Variants in SNX7 observed in about 807,000 individuals in gnomAD.
The protein encoded by SNX7 is sorting nexin-7.
In SNX7, 35 loss-of-function variants were observed where a neutral mutation model predicts 48.4. The observed-to-expected ratio is 0.72, with a 90% CI of 0.55 to 0.96. The LOEUF is 0.96. Ranked by LOEUF, SNX7 falls within the 40% of genes least tolerant of loss-of-function variation. The pLI is 0.00. For missense variants in SNX7, 553 were observed against 548.9 expected, an observed-to-expected ratio of 1.01 and a Z score of -0.07; for synonymous variants, 190 against 190.2, an observed-to-expected ratio of 1.00 and a Z score of 0.01.
intron 1 of SNX7, among the ~76,000 whole-genome samples, chr1:98,671,862 AT>A (rs1409594371): frequency 6.6e-6 from 1 of 152,136 alleles, no homozygotes; most frequent in African/African-American, 2.4e-5. Flanking sequence ...TAGAAAAATG[AT>A]TTTATATCAT....
intron 7 of SNX7, 50 bp from the exon 8 acceptor site, chr1:98,738,187 G>C: frequency 1.3e-6 from 2 of 1,574,086 alleles, no homozygotes; most frequent in Non-Finnish European, 1.7e-6. Context: ...GAATTCACCT[G>C]ATGGAAAGAA....
chr1:98,717,430 A>C, intron 7 of SNX7, among the ~76,000 whole-genome samples: 1 of 152,318 alleles, frequency 6.6e-6, no homozygotes, highest in African/African-American at 2.4e-5. Flanking sequence ...AAATTGTGCT[A>C]TTAACTATAT....
chr1:98,674,119 A>G (rs890031335), intron 1 of SNX7, among the ~76,000 whole-genome samples: 3 of 152,232 alleles, frequency 2.0e-5, no homozygotes, highest in African/African-American at 2.4e-5. Context: ...GTTGACTACT[A>G]ACCTGTTAAA....
At chr1:98,705,041 C>G (rs1184328617) in intron 7 of SNX7, among the ~76,000 whole-genome samples, 1 of 152,080 alleles carries the variant, frequency 6.6e-6, no homozygotes, top group Non-Finnish European at 1.5e-5. Context: ...TGCATTTGAA[C>G]AATAATGGCA....
chr1:98,728,212 A>G (rs1653294016), intron 7 of SNX7, among the ~76,000 whole-genome samples: 1 of 152,208 alleles, frequency 6.6e-6, no homozygotes, highest in Admixed American at 6.5e-5. Context: ...GCAAGCCAGA[A>G]GTGTTTGGTG....
At chr1:98,751,311 C>A (rs553468735) in intron 8 of SNX7, among the ~76,000 whole-genome samples, 160 of 152,202 alleles carry the variant, frequency 1.1e-3, no homozygotes, top group African/African-American at 3.7e-3. Flanking sequence ...ATGTCACCAC[C>A]TTTACTGAAG....
chr1:98,739,120 C>G (rs1346933360), intron 8 of SNX7, among the ~76,000 whole-genome samples: 1 of 152,130 alleles, frequency 6.6e-6, no homozygotes, highest in Non-Finnish European at 1.5e-5. Context: ...CTCAGATCAT[C>G]AGCCATTAGT....
intron 8 of SNX7, among the ~76,000 whole-genome samples, chr1:98,753,320 C>A (rs17118939): frequency 0.15 from 23,535 of 152,030 alleles, 1,906 homozygotes; most frequent in South Asian, 0.19. Flanking sequence ...GTCTGTCTTA[C>A]CATGTTTTAC....
intron 2 of SNX7, among the ~76,000 whole-genome samples, chr1:98,690,693 A>G (rs1447298844): frequency 6.6e-6 from 1 of 152,098 alleles, no homozygotes; most frequent in Non-Finnish European, 1.5e-5. Flanking sequence ...CTGAATTCTA[A>G]TCATCTTGAG....
At chr1:98,696,064 T>C (rs1651439451) in intron 5 of SNX7, among the ~76,000 whole-genome samples, 1 of 152,226 alleles carries the variant, frequency 6.6e-6, no homozygotes. Context: ...TCATATTTTC[T>C]GGTAATTATT....
At chr1:98,672,141 C>T (rs9285629) in intron 1 of SNX7, among the ~76,000 whole-genome samples, 133,326 of 152,112 alleles carry the variant, frequency 0.88, 59,724 homozygotes, top group Non-Finnish European at 0.96. Context: ...AGTACAACCT[C>T]GAGATTTCAG....
chr1:98,716,352 C>G (rs941540360), intron 7 of SNX7, among the ~76,000 whole-genome samples: 2 of 152,182 alleles, frequency 1.3e-5, no homozygotes, highest in African/African-American at 4.8e-5. Context: ...CTCCTCATCT[C>G]GCTGCTTTGA....
intron 2 of SNX7, among the ~76,000 whole-genome samples, chr1:98,687,427 A>C (rs1175699130): frequency 6.6e-6 from 1 of 152,122 alleles, no homozygotes; most frequent in East Asian, 1.9e-4. Context: ...ATATATACAG[A>C]AATATATATT....
At chr1:98,747,306 T>G (rs1029356696) in intron 8 of SNX7, among the ~76,000 whole-genome samples, 2 of 152,234 alleles carry the variant, frequency 1.3e-5, no homozygotes, top group South Asian at 2.1e-4. Flanking sequence ...ACTTTAAGTG[T>G]GGACTGATAT....
At chr1:98,709,719 C>G (rs1013949533) in intron 7 of SNX7, among the ~76,000 whole-genome samples, 2 of 152,064 alleles carry the variant, frequency 1.3e-5, no homozygotes, top group Admixed American at 1.3e-4. Context: ...CTGATCTTAT[C>G]CCATTTATCT....
intron 7 of SNX7, among the ~76,000 whole-genome samples, chr1:98,708,471 T>G (rs531368126): frequency 1.6e-4 from 25 of 152,114 alleles, no homozygotes; most frequent in Non-Finnish European, 3.2e-4. Context: ...TACAGATACC[T>G]GAAAAAACTG....
At chr1:98,719,367 A>C (rs1193529225) in intron 7 of SNX7, among the ~76,000 whole-genome samples, 2 of 152,118 alleles carry the variant, frequency 1.3e-5, no homozygotes, top group African/African-American at 4.8e-5. Context: ...AGTCTTGTTA[A>C]GGGGAGATAT....
intron 2 of SNX7, 78 bp downstream of exon 2, chr1:98,685,145 T>C: frequency 1.1e-6 from 1 of 903,614 alleles, no homozygotes; most frequent in Non-Finnish European, 1.6e-6. Flanking sequence ...TTGTTCATTA[T>C]AATTCTGAAC....
chr1:98,753,519 G>T (rs1351590102), intron 8 of SNX7, among the ~76,000 whole-genome samples: 1 of 152,058 alleles, frequency 6.6e-6, no homozygotes, highest in Non-Finnish European at 1.5e-5. Context: ...TATTTGACAG[G>T]AATTCTAAAT....
Sources: allele counts gnomAD v4.1 joint callset (sites outside exome capture counted in the v4.1 genomes callset), GRCh38; gene constraint gnomAD v4.1.1; transcripts MANE v1.5; gene names NCBI Gene and HGNC (gene_info 2026-07-23, HGNC 2026-07-21).